AGBL1: variants seen among roughly 807,000 people sequenced by gnomAD.
AGBL1 encodes the protein AGBL carboxypeptidase 1, also known as cytosolic carboxypeptidase 4.
Under a neutral mutation model 118.9 loss-of-function variants are expected in AGBL1, and 130 were observed. The ratio of observed to expected loss-of-function variants is 1.09; its 90% CI spans 0.95 to 1.26. The LOEUF (loss-of-function observed/expected upper bound fraction) is 1.26. Ranked by LOEUF, AGBL1 falls within the 50% of genes most tolerant of loss-of-function variation. The pLI, the probability that AGBL1 is intolerant of heterozygous loss-of-function variation, is 0.00. For missense variants in AGBL1, 1,584 were observed against 1,298.1 expected (o/e 1.22, Z -3.38); for synonymous variants, 555 against 478.9 (o/e 1.16, Z -2.08).
chr15:86,792,028 A>C (rs1286811718), intron 22 of AGBL1, among the ~76,000 whole-genome samples: 1 of 152,104 alleles, frequency 6.6e-6, no homozygotes, highest in East Asian at 1.9e-4. Context: ...GAGCCACTGC[A>C]CCGGCCTGTT....
intron 3 of AGBL1, among the ~76,000 whole-genome samples, chr15:86,147,819 C>A (rs1211224616): frequency 6.6e-6 from 1 of 152,224 alleles, no homozygotes; most frequent in Non-Finnish European, 1.5e-5. Flanking sequence ...GTGTCCCTGA[C>A]CCCCATGTAG....
At chr15:86,550,239 A>G (rs901632498) in intron 20 of AGBL1, among the ~76,000 whole-genome samples, 2 of 152,196 alleles carry the variant, frequency 1.3e-5, no homozygotes, top group African/African-American at 4.8e-5. Flanking sequence ...TATATGAGAC[A>G]TATAGAATCA....
intron 22 of AGBL1, among the ~76,000 whole-genome samples, chr15:86,848,354 C>T (rs79292420): frequency 0.022 from 3,419 of 152,126 alleles, 129 homozygotes; most frequent in East Asian, 0.19. Flanking sequence ...AAAAACTGTG[C>T]CATATTAGAA....
chr15:86,465,484 G>T (rs551909926), intron 18 of AGBL1, among the ~76,000 whole-genome samples: 1 of 152,132 alleles, frequency 6.6e-6, no homozygotes, highest in East Asian at 1.9e-4. Flanking sequence ...CTGCCTGCGG[G>T]GCCGGGAAGA....
rs141830420 is a variant in AGBL1, at chr15:86,830,987, G to A, written c.3159-76100G>A. 7.6e-3 allele frequency among the ~76,000 whole-genome samples: 1,163 copies of A among 152,266 alleles called. 12 individuals are homozygous for A. Among genetic ancestry groups the A allele is most frequent in the Middle Eastern group, 0.044 (13 of 294 alleles). ...GGACTCACAGTTCCACATGGCTGGG[G>A]AGGCCCCACAATTATGGCAGAAGGC... On this transcript the variant is annotated intron_variant, in intron 22 of 22. Coordinates refer to ENST00000614907, the MANE Select transcript of AGBL1 (RefSeq NM_001386094.1).
rs556918352 is a variant in AGBL1, at chr15:86,392,496, CA to C, written c.2375-4864del. Reference sequence around the variant, plus strand: ...CAGACTGTTATTAGTTTCCTGAGAGCAAAAAACCATTATTTATCTTGTAATC... The same window carrying C: ...CAGACTGTTATTAGTTTCCTGAGAGCAAAAACCATTATTTATCTTGTAATC... On this transcript the variant is annotated intron_variant, in intron 17 of 22. Coordinates refer to ENST00000614907, the MANE Select transcript of AGBL1 (RefSeq NM_001386094.1). Among the ~76,000 whole-genome samples, 40 of 152,090 alleles carry C rather than the reference CA, an allele frequency of 2.6e-4. 1 individual carries two copies. In the South Asian group the frequency reaches 7.7e-3, roughly 29 times the overall value.
intron 22 of AGBL1, among the ~76,000 whole-genome samples, chr15:86,857,098 C>T (rs2079493900): frequency 6.6e-6 from 1 of 152,148 alleles, no homozygotes; most frequent in African/African-American, 2.4e-5. Flanking sequence ...TTTCTATGAC[C>T]AATTTCTGTA....
At chr15:86,561,091 G>A (rs562871683) in intron 21 of AGBL1, among the ~76,000 whole-genome samples, 2 of 152,292 alleles carry the variant, frequency 1.3e-5, no homozygotes, top group East Asian at 3.9e-4. Context: ...TAGGTTGCCT[G>A]TTCACTCTGA....
At chr15:86,414,469 G>T (rs1285888773) in intron 18 of AGBL1, among the ~76,000 whole-genome samples, 1 of 152,142 alleles carries the variant, frequency 6.6e-6, no homozygotes, top group African/African-American at 2.4e-5. Context: ...TGGAAGAAGA[G>T]TGATAGTATC....
chr15:86,544,757 G>T (rs2083555303), intron 19 of AGBL1, among the ~76,000 whole-genome samples: 1 of 152,074 alleles, frequency 6.6e-6, no homozygotes, highest in Non-Finnish European at 1.5e-5. Flanking sequence ...GTGAGATTTG[G>T]GTGGGAACAC....
At chr15:87,006,934 G>A (rs563377901) in intron 24 of AGBL1, among the ~76,000 whole-genome samples, 4 of 152,108 alleles carry the variant, frequency 2.6e-5, no homozygotes, top group Non-Finnish European at 5.9e-5. Flanking sequence ...ACAGGGGGTT[G>A]AGCTTTAAGT....
At position 86,295,412 on chromosome 15, in the gene AGBL1, A is replaced by G. The variant is rs765993323; in HGVS notation, c.2374+4A>G. 12 of 1,550,706 alleles carry G rather than the reference A, an allele frequency of 7.7e-6. No homozygotes were observed. Among genetic ancestry groups the G allele is most frequent in the Non-Finnish European group, 9.6e-6 (11 of 1,151,708 alleles). ...GATGAGCATCTAGAGCAGTTCCGTG[A>G]GTAAAATGGGATCCTCTTCGTAGAA... On this transcript the variant is annotated splice_donor_region_variant and intron_variant, in intron 17 of 22. Coordinates refer to ENST00000614907, the MANE Select transcript of AGBL1 (RefSeq NM_001386094.1).
rs368707918 is a variant in AGBL1, at chr15:86,127,062, T to C, written c.52-14942T>C. 3.9e-5 allele frequency among the ~76,000 whole-genome samples: 6 copies of C among 152,314 alleles called. No individual in the cohort carries two copies. In the East Asian group the frequency reaches 5.8e-4, roughly 15 times the overall value. On this transcript the variant is annotated intron_variant, in intron 1 of 22. Transcript: ENST00000614907. Reference sequence around the variant, plus strand: ...ATACAGACAGGATGGGTAATCTCTCTTCATAGAAACTTAAAGCTGTAGTCC... The same window carrying C: ...ATACAGACAGGATGGGTAATCTCTCCTCATAGAAACTTAAAGCTGTAGTCC...
At chr15:86,420,458 T>C (rs4306468) in intron 18 of AGBL1, among the ~76,000 whole-genome samples, 102,676 of 152,092 alleles carry the variant, frequency 0.68, 36,876 homozygotes, top group African/African-American at 0.92. Flanking sequence ...AAACCCCATC[T>C]GAAGGTCACC....
chr15:86,847,241 A>G (rs1249869418), intron 22 of AGBL1, among the ~76,000 whole-genome samples: 1 of 152,150 alleles, frequency 6.6e-6, no homozygotes, highest in African/African-American at 2.4e-5. Context: ...GCTGAGTTCA[A>G]TCTATAGGCC....
intron 22 of AGBL1, among the ~76,000 whole-genome samples, chr15:86,791,163 A>T (rs539063256): frequency 6.6e-6 from 1 of 152,230 alleles, no homozygotes; most frequent in Non-Finnish European, 1.5e-5. Flanking sequence ...GAATCCTCCC[A>T]GTTAGTTACC....
intron 23 of AGBL1, chr15:86,987,888 C>T: frequency 7.0e-7 from 1 of 1,436,584 alleles, no homozygotes; most frequent in Non-Finnish European, 9.3e-7. Context: ...GTTTGTTTTT[C>T]CCACTCAATA....
intron 22 of AGBL1, among the ~76,000 whole-genome samples, chr15:86,732,680 A>G (rs1340017834): frequency 6.6e-6 from 1 of 152,122 alleles, no homozygotes; most frequent in African/African-American, 2.4e-5. Flanking sequence ...CTAAGACTAG[A>G]CTGCTTGGAA....
intron 22 of AGBL1, among the ~76,000 whole-genome samples, chr15:86,746,441 C>T (rs1178251896): frequency 6.6e-6 from 1 of 151,930 alleles, no homozygotes; most frequent in Non-Finnish European, 1.5e-5. Flanking sequence ...TAAGTTTACC[C>T]TTGATTTTTT....
Sources: allele counts gnomAD v4.1 joint callset (sites outside exome capture counted in the v4.1 genomes callset), GRCh38; gene constraint gnomAD v4.1.1; transcripts MANE v1.5; gene names NCBI Gene and HGNC (gene_info 2026-07-23, HGNC 2026-07-21).